SFI1: variants seen among roughly 807,000 people sequenced by gnomAD.
SFI1 encodes SFI1 centrin binding protein, also known as protein SFI1 homolog.
A neutral mutation model predicts 207.5 loss-of-function variants in SFI1; 195 were observed. The ratio of observed to expected loss-of-function variants is 0.94; its 90% CI spans 0.84 to 1.06. The LOEUF (loss-of-function observed/expected upper bound fraction) is 1.06. Ranked by LOEUF, SFI1 falls within the 50% of genes least tolerant of loss-of-function variation. The pLI, the probability that SFI1 is intolerant of heterozygous loss-of-function variation, is 0.00. For missense variants in SFI1, 1,634 were observed against 1,588.0 expected, an observed-to-expected ratio of 1.03 and a Z score of -0.49; for synonymous variants, 630 against 598.9, an observed-to-expected ratio of 1.05 and a Z score of -0.76.
At chr22:31,593,846 G>C (rs1357909937) in intron 15 of SFI1, among the ~76,000 whole-genome samples, 4 of 147,984 alleles carry the variant, frequency 2.7e-5, no homozygotes, top group Non-Finnish European at 3.0e-5. Context: ...CCAGTCAGGC[G>C]TGGCGGCGCG....
chr22:31,614,037 G>C, intron 27 of SFI1, 182 bp downstream of exon 27: 1 of 804,604 alleles, frequency 1.2e-6, no homozygotes, highest in Non-Finnish European at 1.8e-6. Flanking sequence ...AAGAGGGAGA[G>C]AATGGAGTGG....
chr22:31,508,820 C>T (rs1237832481), intron 2 of SFI1, among the ~76,000 whole-genome samples: 1 of 152,118 alleles, frequency 6.6e-6, no homozygotes, highest in Non-Finnish European at 1.5e-5. Flanking sequence ...GTTCCCTCCC[C>T]TCATCTCTTT....
At chr22:31,502,535 G>A (rs967200860) in intron 1 of SFI1, among the ~76,000 whole-genome samples, 7 of 151,862 alleles carry the variant, frequency 4.6e-5, no homozygotes, top group Admixed American at 6.6e-5. Context: ...CACCATGCCC[G>A]GCTAATTTTT....
intron 8 of SFI1, among the ~76,000 whole-genome samples, chr22:31,567,799 A>G (rs1390541360): frequency 6.6e-6 from 1 of 152,220 alleles, no homozygotes; most frequent in Non-Finnish European, 1.5e-5. Context: ...AGATTTTCAA[A>G]ACAAACTGAA....
intron 31 of SFI1, among the ~76,000 whole-genome samples, chr22:31,617,831 G>A (rs908210626): frequency 6.6e-6 from 1 of 152,140 alleles, no homozygotes; most frequent in African/African-American, 2.4e-5. Context: ...ACAGACTGGC[G>A]CCTCATCCTT....
At chr22:31,517,902 C>T (rs913172631) in intron 2 of SFI1, among the ~76,000 whole-genome samples, 1 of 152,156 alleles carries the variant, frequency 6.6e-6, no homozygotes, top group African/African-American at 2.4e-5. Flanking sequence ...AATGTCTAAG[C>T]TATTCTTGGT....
rs2053269146 is a variant in SFI1 at position 31,499,099 on chromosome 22, C to G, written c.-31+2462C>G. Among the ~76,000 whole-genome samples the G allele has an allele frequency of 3.3e-5, 5 of 152,200 alleles. No individual in the cohort carries two copies. In the East Asian group the frequency reaches 5.8e-4, roughly 18 times the overall value. On this transcript the variant is annotated intron_variant, in intron 1 of 32. Transcript: ENST00000400288. ...CATGGCTCATTGCAGACTTGAACTT[C>G]TAGGCGAAAGTGATCCTCCTGCCTT...
intron 8 of SFI1, 46 bp downstream of exon 8, chr22:31,561,438 C>T: frequency 6.5e-7 from 1 of 1,533,506 alleles, no homozygotes; most frequent in Non-Finnish European, 8.9e-7. Flanking sequence ...TCAGTGTTGT[C>T]AAGCCTCTCA....
At chr22:31,505,614 CTAT>C (rs1169159857) in intron 1 of SFI1, among the ~76,000 whole-genome samples, 1 of 151,366 alleles carries the variant, frequency 6.6e-6, no homozygotes, top group African/African-American at 2.4e-5. Context: ...GAGTGAGACC[CTAT>C]CTCTACACAC....
chr22:31,571,484 T>A (rs2062945627), intron 8 of SFI1, among the ~76,000 whole-genome samples: 5 of 151,908 alleles, frequency 3.3e-5, no homozygotes, highest in Admixed American at 3.3e-4. Flanking sequence ...GGCTAATTTT[T>A]TTTTTTTTTT....
intron 11 of SFI1, among the ~76,000 whole-genome samples, 172 bp downstream of exon 11, chr22:31,578,624 G>A (rs887149348): frequency 1.3e-5 from 2 of 152,164 alleles, no homozygotes; most frequent in Admixed American, 1.3e-4. Context: ...TGGATTACAG[G>A]TGCTAATGTT....
chr22:31,589,634 A>C, intron 15 of SFI1, 57 bp downstream of exon 15: 1 of 1,558,854 alleles, frequency 6.4e-7, no homozygotes, highest in Non-Finnish European at 8.7e-7. Context: ...TAACTCTGAC[A>C]ACCACACAGC....
intron 24 of SFI1, chr22:31,612,940 T>C: frequency 1.7e-6 from 1 of 576,350 alleles, no homozygotes; most frequent in East Asian, 2.9e-5. Context: ...CCACCTTCTT[T>C]CATGAAGGTC....
At chr22:31,612,888 T>C (rs1375328818) in intron 24 of SFI1, 1 of 515,180 alleles carries the variant, frequency 1.9e-6, no homozygotes, top group Non-Finnish European at 3.5e-6. Flanking sequence ...TCCCCGGACC[T>C]CAGGCCGCTG....
chr22:31,591,294 A>ATGG (rs1316186881), intron 15 of SFI1, among the ~76,000 whole-genome samples: 2 of 152,158 alleles, frequency 1.3e-5, no homozygotes, highest in Non-Finnish European at 2.9e-5. Flanking sequence ...GTAAGGTCAC[A>ATGG]GATCAACAGG....
chr22:31,560,187 T>A (rs1488058015), intron 7 of SFI1, among the ~76,000 whole-genome samples: 1 of 151,956 alleles, frequency 6.6e-6, no homozygotes, highest in Non-Finnish European at 1.5e-5. Flanking sequence ...AAGTGAGTGT[T>A]TCTGTAAAGC....
intron 15 of SFI1, among the ~76,000 whole-genome samples, chr22:31,602,010 C>T (rs2068199538): frequency 6.6e-6 from 1 of 151,716 alleles, no homozygotes; most frequent in Non-Finnish European, 1.5e-5. Context: ...CCAGGCTGGT[C>T]TTGGCCTCCA....
At chr22:31,539,516 CT>C (rs2059287401) in intron 4 of SFI1, among the ~76,000 whole-genome samples, 1 of 151,956 alleles carries the variant, frequency 6.6e-6, no homozygotes, top group African/African-American at 2.4e-5. Flanking sequence ...TGTTTCCTTT[CT>C]TTTTAATAGT....
intron 29 of SFI1, chr22:31,616,236 G>C (rs1445351430): frequency 6.5e-6 from 1 of 152,696 alleles, no homozygotes; most frequent in Non-Finnish European, 1.5e-5. Flanking sequence ...GGTGAGTTAG[G>C]CCATGTGGGG....
Sources: allele counts gnomAD v4.1 joint callset (sites outside exome capture counted in the v4.1 genomes callset), GRCh38; gene constraint gnomAD v4.1.1; transcripts MANE v1.5; gene names NCBI Gene and HGNC (gene_info 2026-07-23, HGNC 2026-07-21).